SDK1: variants seen among roughly 807,000 people sequenced by gnomAD.
SDK1 encodes protein sidekick-1.
In SDK1, 157 loss-of-function variants were observed where a neutral mutation model predicts 245.5. The ratio of observed to expected loss-of-function variants is 0.64; its 90% CI spans 0.56 to 0.73. The LOEUF (loss-of-function observed/expected upper bound fraction) is 0.73, where lower values mean the gene tolerates loss of function less well. SDK1 is among the 30% of genes least tolerant of loss of function. SDK1 has a pLI of 0.00. For missense variants in SDK1, 3,583 were observed against 3,002.3 expected (o/e 1.19, Z -4.52); for synonymous variants, 1,647 against 1,278.5 (o/e 1.29, Z -6.15).
chr7:4,163,212 A>G (rs1442858078), intron 32 of SDK1, among the ~76,000 whole-genome samples: 3 of 152,068 alleles, frequency 2.0e-5, no homozygotes, highest in Admixed American at 2.0e-4. Flanking sequence ...GCATGAGGAC[A>G]GGTCAGCCTG....
At chr7:3,486,357 C>G (rs1046192549) in intron 1 of SDK1, among the ~76,000 whole-genome samples, 2 of 151,908 alleles carry the variant, frequency 1.3e-5, no homozygotes, top group African/African-American at 4.8e-5. Flanking sequence ...TGGGTCATTT[C>G]AAAGAACCTG....
intron 2 of SDK1, among the ~76,000 whole-genome samples, chr7:3,627,918 C>G (rs1782170172): frequency 6.6e-6 from 1 of 152,168 alleles, no homozygotes. Flanking sequence ...TCTCCCAGGC[C>G]TCTTTCCCAT....
chr7:3,506,677 C>G (rs1019593559), intron 1 of SDK1, among the ~76,000 whole-genome samples: 5 of 152,112 alleles, frequency 3.3e-5, no homozygotes, highest in African/African-American at 1.2e-4. Flanking sequence ...GTTTATGTAG[C>G]TGCTCTTGTG....
At chr7:3,741,735 G>A (rs1323291199) in intron 4 of SDK1, among the ~76,000 whole-genome samples, 1 of 152,042 alleles carries the variant, frequency 6.6e-6, no homozygotes, top group Non-Finnish European at 1.5e-5. Context: ...TGGGATGGAC[G>A]TACTTGATTG....
chr7:3,791,390 C>T (rs1562445974), intron 4 of SDK1, among the ~76,000 whole-genome samples: 2 of 152,190 alleles, frequency 1.3e-5, no homozygotes, highest in African/African-American at 2.4e-5. Flanking sequence ...AGGCAGAAGC[C>T]ATGTCATATG....
chr7:3,418,117 A>G (rs1779426514), intron 1 of SDK1, among the ~76,000 whole-genome samples: 1 of 147,708 alleles, frequency 6.8e-6, no homozygotes, highest in Non-Finnish European at 1.5e-5. Flanking sequence ...CCTGGGCAAC[A>G]AGGTGAAACC....
rs560414447 is a variant in SDK1, at chr7:3,850,657, C to G, written c.847+29074C>G. Among the ~76,000 whole-genome samples, 4 of 152,268 alleles carry G rather than the reference C, an allele frequency of 2.6e-5. No individual in the cohort carries two copies. The South Asian group carries it at 8.3e-4, about 32-fold the overall frequency. On this transcript the variant is annotated intron_variant, in intron 5 of 44. Transcript: ENST00000404826. ...ATTAAGAAAATGTGGCACATATACA[C>G]CATGGAATACTATGCGGCCATAAAA... is the stretch of plus-strand genomic sequence containing the variant.
intron 1 of SDK1, among the ~76,000 whole-genome samples, chr7:3,564,073 TAAAC>T (rs772747741): frequency 2.6e-5 from 4 of 151,970 alleles, no homozygotes; most frequent in African/African-American, 7.2e-5. Flanking sequence ...ATAGCTTAAA[TAAAC>T]ATAGTTTATT....
chr7:4,031,500 A>G (rs116029842), intron 17 of SDK1, among the ~76,000 whole-genome samples: 1,559 of 152,294 alleles, frequency 0.01, 22 homozygotes, highest in South Asian at 0.029. Flanking sequence ...TAAACATTAG[A>G]GCAAAAGTAC....
At chr7:4,122,993 G>A (rs146653266) in intron 25 of SDK1, among the ~76,000 whole-genome samples, 41 of 152,304 alleles carry the variant, frequency 2.7e-4, no homozygotes, top group African/African-American at 8.9e-4. Flanking sequence ...GTTCAGCTGC[G>A]TTCAAAGCCC....
chr7:3,913,318 G>T (rs565163885), intron 5 of SDK1, among the ~76,000 whole-genome samples: 1 of 146,874 alleles, frequency 6.8e-6, no homozygotes, highest in Non-Finnish European at 1.5e-5. Flanking sequence ...TTTTGAGATG[G>T]AGTCTCGCTC....
chr7:3,522,171 C>T (rs1194819767), intron 1 of SDK1, among the ~76,000 whole-genome samples: 1 of 151,036 alleles, frequency 6.6e-6, no homozygotes, highest in Non-Finnish European at 1.5e-5. Context: ...TTTTTGAGGC[C>T]CTGGTGTTAA....
At chr7:3,622,282 A>G (rs1397769359) in intron 2 of SDK1, among the ~76,000 whole-genome samples, 1 of 152,140 alleles carries the variant, frequency 6.6e-6, no homozygotes, top group Non-Finnish European at 1.5e-5. Flanking sequence ...GTTCGACACC[A>G]CCAGCCTGGC....
intron 2 of SDK1, among the ~76,000 whole-genome samples, chr7:3,625,879 G>C (rs1467907050): frequency 6.6e-6 from 1 of 151,688 alleles, no homozygotes; most frequent in Admixed American, 6.6e-5. Context: ...TGGAAGTGTT[G>C]ACCACAGCAG....
At chr7:3,938,033 C>G (rs1376197651) in intron 5 of SDK1, among the ~76,000 whole-genome samples, 1 of 152,090 alleles carries the variant, frequency 6.6e-6, no homozygotes, top group Non-Finnish European at 1.5e-5. Context: ...AACGGGATTT[C>G]ACCATGTTGC....
At chr7:3,959,144 T>C (rs1310918199) in intron 8 of SDK1, 130 bp downstream of exon 8, 12 of 750,212 alleles carry the variant, frequency 1.6e-5, no homozygotes. Flanking sequence ...CTTCAGAGAG[T>C]AGATCGGTCT....
chr7:3,921,144 T>C (rs1297037476), intron 5 of SDK1, among the ~76,000 whole-genome samples: 1 of 152,238 alleles, frequency 6.6e-6, no homozygotes, highest in African/African-American at 2.4e-5. Context: ...ATGTAACTCA[T>C]AATTCTACAA....
chr7:3,672,777 A>ATATG (rs1783752706), intron 4 of SDK1, among the ~76,000 whole-genome samples: 1 of 98,290 alleles, frequency 1.0e-5, no homozygotes, highest in Non-Finnish European at 2.1e-5. Context: ...ATATATATAT[A>ATATG]TATATATATA....
At chr7:3,346,399 C>A (rs1324306178) in intron 1 of SDK1, among the ~76,000 whole-genome samples, 1 of 152,172 alleles carries the variant, frequency 6.6e-6, no homozygotes, top group Non-Finnish European at 1.5e-5. Context: ...GTCTCTCCTT[C>A]CTGCCAGCAC....
Sources: allele counts gnomAD v4.1 joint callset (sites outside exome capture counted in the v4.1 genomes callset), GRCh38; gene constraint gnomAD v4.1.1; transcripts MANE v1.5; gene names NCBI Gene and HGNC (gene_info 2026-07-23, HGNC 2026-07-21).